EYA2: variants seen among roughly 807,000 people sequenced by gnomAD.
EYA2 encodes the protein protein phosphatase EYA2.
A neutral mutation model predicts 69.2 loss-of-function variants in EYA2; 31 were observed. That is an observed-to-expected ratio of 0.45 (90% confidence interval 0.34 to 0.60). The LOEUF is 0.60. Among genes scored for constraint, EYA2 ranks in the 20% least tolerant of loss-of-function variants. The pLI is 0.02. For synonymous variants in EYA2, 257 were observed against 279.4 expected, an observed-to-expected ratio of 0.92 and a Z score of 0.80; for missense variants, 622 against 701.2, an observed-to-expected ratio of 0.89 and a Z score of 1.28.
intron 1 of EYA2, among the ~76,000 whole-genome samples, chr20:46,948,844 T>C (rs1304854213): frequency 3.3e-5 from 5 of 152,240 alleles, no homozygotes; most frequent in Non-Finnish European, 5.9e-5. Flanking sequence ...CTTGAGATGA[T>C]CGCTCCATAA....
rs202162827 is a variant in EYA2, at chr20:47,172,659, C to T, written c.1038-48C>T. Reference sequence around the variant, plus strand: ...GCCTGTGGTCTCCCAGGGAAGATGCCCTGCACCCCCCTGCACTAACACTGT... The same window carrying T: ...GCCTGTGGTCTCCCAGGGAAGATGCTCTGCACCCCCCTGCACTAACACTGT... On this transcript the variant is annotated intron_variant, in intron 11 of 15. Transcript: ENST00000327619. 291 of 1,540,942 alleles carry T rather than the reference C, an allele frequency of 1.9e-4. No homozygotes were observed. The African/African-American group carries it at 3.7e-3, about 19-fold the overall frequency.
intron 5 of EYA2, among the ~76,000 whole-genome samples, chr20:47,045,995 A>G (rs1600666956): frequency 6.6e-6 from 1 of 152,192 alleles, no homozygotes; most frequent in African/African-American, 2.4e-5. Context: ...TTGGGCTGCT[A>G]TAACAAACAG....
chr20:47,154,176 A>G (rs1004088430), intron 10 of EYA2, among the ~76,000 whole-genome samples: 3 of 151,892 alleles, frequency 2.0e-5, no homozygotes, highest in African/African-American at 7.2e-5. Flanking sequence ...AGATGGCTGC[A>G]TTTTTGCTGT....
intron 1 of EYA2, among the ~76,000 whole-genome samples, chr20:46,898,474 A>G (rs187170254): frequency 9.2e-5 from 14 of 151,756 alleles, no homozygotes; most frequent in Admixed American, 4.6e-4. Flanking sequence ...CCATCCCCCA[A>G]TGTCATAACA....
At chr20:47,075,437 T>G (rs764663418) in intron 7 of EYA2, among the ~76,000 whole-genome samples, 32 of 152,258 alleles carry the variant, frequency 2.1e-4, no homozygotes, top group Non-Finnish European at 3.8e-4. Context: ...TGCTAGTGAT[T>G]GGTGGGGCTA....
At chr20:46,966,271 G>A (rs1979775552) in intron 1 of EYA2, among the ~76,000 whole-genome samples, 1 of 152,170 alleles carries the variant, frequency 6.6e-6, no homozygotes, top group African/African-American at 2.4e-5. Context: ...ACAGGGATGA[G>A]CCACTGTGCC....
intron 1 of EYA2, among the ~76,000 whole-genome samples, chr20:46,914,308 AC>A (rs1255195722): frequency 6.6e-6 from 1 of 152,234 alleles, no homozygotes; most frequent in Non-Finnish European, 1.5e-5. Context: ...TTTTCTGTGG[AC>A]ACAGGCTTAA....
chr20:46,966,329 A>G (rs1165228753), intron 1 of EYA2, among the ~76,000 whole-genome samples: 1 of 152,106 alleles, frequency 6.6e-6, no homozygotes, highest in Non-Finnish European at 1.5e-5. Context: ...ACTATTCATC[A>G]CATATTCTGT....
rs137901364 is a variant in EYA2 at position 47,083,447 on chromosome 20, G to A, written c.662-5792G>A. ...CAAAAAAATAGCCAGGCTTGGTGGC[G>A]CACACCTGTAATCCCAGCTACTTGG... On this transcript the variant is annotated intron_variant, in intron 7 of 15. Transcript: ENST00000327619. Among the ~76,000 whole-genome samples, 1,288 of 151,822 alleles carry A rather than the reference G, an allele frequency of 8.5e-3. 8 individuals carry two copies. Among genetic ancestry groups the A allele is most frequent in the Non-Finnish European group, 0.014 (932 of 67,918 alleles).
intron 10 of EYA2, among the ~76,000 whole-genome samples, chr20:47,148,923 C>T (rs760449964): frequency 1.3e-5 from 2 of 152,098 alleles, no homozygotes; most frequent in Non-Finnish European, 2.9e-5. Flanking sequence ...CCCAGCCAAG[C>T]AGGGACCCCT....
chr20:47,100,502 G>A (rs1030286549), intron 9 of EYA2, among the ~76,000 whole-genome samples: 9 of 152,180 alleles, frequency 5.9e-5, no homozygotes, highest in Non-Finnish European at 1.0e-4. Context: ...AATCATAGAA[G>A]ATTAGAGCTG....
chr20:47,095,477 G>A (rs972467375), intron 8 of EYA2, among the ~76,000 whole-genome samples: 5 of 152,016 alleles, frequency 3.3e-5, no homozygotes, highest in Non-Finnish European at 7.4e-5. Flanking sequence ...TCATTGGGTT[G>A]AAAATGCTGA....
At position 46,911,646 on chromosome 20, in the gene EYA2, G is replaced by A. The variant is rs937200308; in HGVS notation, c.-11+16659G>A. 1.3e-5 allele frequency among the ~76,000 whole-genome samples: 2 copies of A among 152,202 alleles called. 1 individual carries two copies. Among genetic ancestry groups the A allele is most frequent in the East Asian group, 3.8e-4 (2 of 5,196 alleles). On this transcript the variant is annotated intron_variant, in intron 1 of 15. Transcript: ENST00000327619. The stretch of plus-strand genomic sequence containing the variant: ...GCTACTTGCAAAAAGTTTGAAAGTA[G>A]CATGGATGGAACTGGAGGACATTAT...
intron 9 of EYA2, among the ~76,000 whole-genome samples, chr20:47,132,105 C>T (rs573419920): frequency 2.0e-4 from 31 of 152,238 alleles, no homozygotes; most frequent in African/African-American, 7.0e-4. Context: ...CACACCACCA[C>T]GCCCAGCTAA....
intron 9 of EYA2, among the ~76,000 whole-genome samples, chr20:47,110,077 C>T (rs2032705948): frequency 1.3e-5 from 2 of 152,120 alleles, no homozygotes; most frequent in Non-Finnish European, 1.5e-5. Flanking sequence ...CTGAGCTTTA[C>T]ACCCTCTCTC....
At chr20:47,085,985 TTGTA>T (rs2031882423) in intron 7 of EYA2, among the ~76,000 whole-genome samples, 1 of 152,196 alleles carries the variant, frequency 6.6e-6, no homozygotes, top group Admixed American at 6.5e-5. Context: ...GTCTAGTTTA[TTGTA>T]TGTCAGTTGT....
At position 46,939,433 on chromosome 20, in the gene EYA2, A is replaced by T. The variant is rs75193345; in HGVS notation, c.-11+44446A>T. On this transcript the variant is annotated intron_variant, in intron 1 of 15. Coordinates refer to ENST00000327619, the MANE Select transcript of EYA2 (RefSeq NM_005244.5). Reference sequence around the variant, plus strand: ...GGAGACAAAGAGAGATAATGACTTTATTTTTATTTTTTTATTTTTTTTCAA... The same window carrying T: ...GGAGACAAAGAGAGATAATGACTTTTTTTTTATTTTTTTATTTTTTTTCAA... Among the ~76,000 whole-genome samples the T allele has an allele frequency of 4.6e-3, 707 of 152,180 alleles. 5 individuals are homozygous for T. Among genetic ancestry groups the T allele is most frequent in the Middle Eastern group, 0.031 (9 of 294 alleles).
rs1484964425 is a variant in EYA2 at position 47,035,386 on chromosome 20, C to G, written c.415+19089C>G. On this transcript the variant is annotated intron_variant, in intron 5 of 15. Coordinates refer to ENST00000327619, the MANE Select transcript of EYA2 (RefSeq NM_005244.5). ...AATAGAACCTTCTTCCCAGCCACCC[C>G]CTCCCATAGCCACACAATATCTCTT... Among the ~76,000 whole-genome samples, 7 of 152,272 alleles carry G rather than the reference C, an allele frequency of 4.6e-5. No individual in the cohort carries two copies. In the South Asian group the frequency reaches 1.5e-3, roughly 32 times the overall value.
chr20:47,021,537 G>A (rs1983744839), intron 5 of EYA2, among the ~76,000 whole-genome samples: 1 of 150,020 alleles, frequency 6.7e-6, no homozygotes, highest in Admixed American at 6.7e-5. Context: ...TGAGGCAGGA[G>A]AATCGCTTGA....
Sources: allele counts gnomAD v4.1 joint callset (sites outside exome capture counted in the v4.1 genomes callset), GRCh38; gene constraint gnomAD v4.1.1; transcripts MANE v1.5; gene names NCBI Gene and HGNC (gene_info 2026-07-23, HGNC 2026-07-21).